PADI4: variants seen among roughly 807,000 people sequenced by gnomAD.
PADI4 encodes peptidyl arginine deiminase 4, also known as protein-arginine deiminase type-4.
A neutral mutation model predicts 75.0 loss-of-function variants in PADI4; 62 were observed. The ratio of observed to expected loss-of-function variants is 0.83; its 90% CI spans 0.67 to 1.02. PADI4 has a LOEUF of 1.02. Ranked by LOEUF, PADI4 falls within the 50% of genes least tolerant of loss-of-function variation. The pLI is 0.00. For synonymous variants in PADI4, 361 were observed against 348.1 expected (o/e 1.04, Z -0.41); for missense variants, 845 against 850.5 (o/e 0.99, Z 0.08).
At chr1:17,335,792 G>A (rs1460042289) in intron 3 of PADI4, among the ~76,000 whole-genome samples, 2 of 152,244 alleles carry the variant, frequency 1.3e-5, no homozygotes, top group Non-Finnish European at 2.9e-5. Flanking sequence ...TCTTTCGAGA[G>A]GCTGGCAGGG....
At chr1:17,333,796 G>A (rs548903812) in intron 2 of PADI4, 147 bp from the exon 3 acceptor site, 22 of 589,102 alleles carry the variant, frequency 3.7e-5, no homozygotes, top group South Asian at 6.4e-5. Context: ...CATTCCCATC[G>A]GATGGGGCCA....
In PADI4 at chr1:17,342,503, T is replaced by C. The variant is rs886152838; in HGVS notation, c.935+101T>C. 3.0e-5 allele frequency: 21 copies of C among 701,400 alleles called. No individual in the cohort carries two copies. In the African/African-American group the frequency reaches 3.4e-4, roughly 11 times the overall value. 43.4% of individuals were successfully genotyped at this position (701,400 alleles called of 1,614,324 possible). A position where few individuals can be genotyped will look rare whatever the true frequency, so the allele number is the denominator to read the frequency against. ...ATGGGAAAAACAGTCACCCCTCCCC[T>C]GCCCACTGAGAGCTTGCTGCTTGTT... On this transcript the variant is annotated intron_variant, in intron 8 of 15. Coordinates refer to ENST00000375448, the MANE Select transcript of PADI4 (RefSeq NM_012387.3).
chr1:17,326,358 A>C (rs2074117165), intron 1 of PADI4, among the ~76,000 whole-genome samples: 1 of 152,198 alleles, frequency 6.6e-6, no homozygotes, highest in African/African-American at 2.4e-5. Flanking sequence ...TTAAGGCATA[A>C]AGTATCACTT....
chr1:17,316,562 C>A (rs904413685), intron 1 of PADI4, among the ~76,000 whole-genome samples: 1 of 151,192 alleles, frequency 6.6e-6, no homozygotes, highest in African/African-American at 2.4e-5. Flanking sequence ...TGGTGGCGGG[C>A]GCCTGTAGTC....
intron 1 of PADI4, 106 bp from the exon 2 acceptor site, chr1:17,330,863 G>T: frequency 1.4e-6 from 1 of 721,312 alleles, no homozygotes; most frequent in Non-Finnish European, 2.2e-6. Flanking sequence ...GTCCAAACAA[G>T]CTGACACCTA....
At chr1:17,322,421 G>A (rs775283345) in intron 1 of PADI4, among the ~76,000 whole-genome samples, 12 of 152,088 alleles carry the variant, frequency 7.9e-5, no homozygotes, top group South Asian at 2.1e-4. Context: ...CCTGGGAGGC[G>A]GAGGCTGCGG....
At chr1:17,309,969 G>A (rs943616983) in intron 1 of PADI4, among the ~76,000 whole-genome samples, 1 of 152,152 alleles carries the variant, frequency 6.6e-6, no homozygotes, top group Non-Finnish European at 1.5e-5. Context: ...TCTGGCCCTA[G>A]AGAGGTGGGT....
chr1:17,361,534 C>T (rs888406571), intron 15 of PADI4, among the ~76,000 whole-genome samples: 4 of 152,222 alleles, frequency 2.6e-5, no homozygotes, highest in Non-Finnish European at 5.9e-5. Flanking sequence ...GCGGTGGCCC[C>T]CTTGAGGACT....
intron 1 of PADI4, among the ~76,000 whole-genome samples, chr1:17,312,983 G>T (rs1015852733): frequency 2.6e-5 from 4 of 151,704 alleles, no homozygotes; most frequent in Non-Finnish European, 5.9e-5. Context: ...TGAGGTCAAG[G>T]GATGGAGACC....
rs375767707 is a variant in PADI4 at position 17,348,040 on chromosome 1, C to T, written c.1147C>T (p.Arg383Cys). ...NRGLKEFPIK[R>C]VMGPDFGYVT... is the part of the protein sequence containing the mutation. ...AGGCCTGAAGGAGTTTCCCATCAAA[C>T]GCGTGATGGTACCTGCATGGGGTGG... The change falls in exon 10 of 16, where the codon CGC (arginine) becomes TGC (cysteine). Residue 383 changes from arginine (R) to cysteine (C), a missense_variant. By Grantham distance (180) the Arg-to-Cys change is radical. Coordinates refer to ENST00000375448, the MANE Select transcript of PADI4 (RefSeq NM_012387.3). The T allele has an allele frequency of 1.8e-5, 28 of 1,599,518 alleles. No individual in the cohort carries two copies. Among genetic ancestry groups the T allele is most frequent in the Non-Finnish European group, 2.1e-5 (25 of 1,167,002 alleles).
chr1:17,348,559 T>C (rs1172838522), intron 10 of PADI4, among the ~76,000 whole-genome samples: 1 of 152,216 alleles, frequency 6.6e-6, no homozygotes, highest in Non-Finnish European at 1.5e-5. Context: ...GACTCATGCT[T>C]GACTAGCCTG....
chr1:17,360,362 G>T (rs74058736), intron 15 of PADI4, among the ~76,000 whole-genome samples: 2,883 of 152,116 alleles, frequency 0.019, 79 homozygotes, highest in African/African-American at 0.064. Context: ...AGAGTCCTCT[G>T]GTGAGGACTG....
At chr1:17,318,664 C>T (rs541162359) in intron 1 of PADI4, among the ~76,000 whole-genome samples, 10 of 150,696 alleles carry the variant, frequency 6.6e-5, no homozygotes, top group East Asian at 3.9e-4. Flanking sequence ...GCACACAAGG[C>T]GAAAATTGGC....
At chr1:17,315,510 A>G (rs1354216609) in intron 1 of PADI4, among the ~76,000 whole-genome samples, 1 of 152,052 alleles carries the variant, frequency 6.6e-6, no homozygotes, top group Admixed American at 6.5e-5. Context: ...AGGGATATGG[A>G]GAGAAAGAGA....
At chr1:17,341,101 CT>C (rs34852999) in intron 6 of PADI4, among the ~76,000 whole-genome samples, 4,276 of 119,710 alleles carry the variant, frequency 0.036, 56 homozygotes, top group African/African-American at 0.041. Flanking sequence ...GCCTCTGTTT[CT>C]TTTTTTTTTT....
chr1:17,309,193 T>A, intron 1 of PADI4, among the ~76,000 whole-genome samples: 1 of 148,110 alleles, frequency 6.8e-6, no homozygotes. Flanking sequence ...AAAAAAGAGC[T>A]GGAGTCCCTT....
Position 17,356,555 on chromosome 1 carries a change from A to G in PADI4, c.1558+96A>G. 1 of 717,842 alleles carries G rather than the reference A, an allele frequency of 1.4e-6. No homozygotes were observed. Among genetic ancestry groups the G allele is most frequent in the Non-Finnish European group, 2.4e-6 (1 of 409,492 alleles). 44.5% of individuals were successfully genotyped at this position (717,842 alleles called of 1,614,324 possible). A position where few individuals can be genotyped will look rare whatever the true frequency, so the allele number is the denominator to read the frequency against. The stretch of plus-strand genomic sequence containing the variant: ...GGAATCATCCAGGCAATAGGGTAGC[A>G]TCTGAGCACCTACTGTGCGCCAGGC... On this transcript the variant is annotated intron_variant, in intron 13 of 15. Transcript: ENST00000375448. The surrounding 1 kb of genome is among the most constrained non-coding windows in gnomAD (Gnocchi z 4.1).
chr1:17,331,665 C>T (rs947636792), intron 2 of PADI4, among the ~76,000 whole-genome samples: 5 of 152,174 alleles, frequency 3.3e-5, no homozygotes, highest in African/African-American at 1.2e-4. Context: ...CACCTGTAAT[C>T]CCAGCACTTT....
intron 10 of PADI4, among the ~76,000 whole-genome samples, chr1:17,354,197 C>T (rs2074718898): frequency 6.6e-6 from 1 of 152,088 alleles, no homozygotes; most frequent in Admixed American, 6.5e-5. Flanking sequence ...TGGCTGAGAT[C>T]ATGCCACGGC....
Sources: allele counts gnomAD v4.1 joint callset (sites outside exome capture counted in the v4.1 genomes callset), GRCh38; gene constraint gnomAD v4.1.1; non-coding constraint Gnocchi (gnomAD v3.1); transcripts MANE v1.5; gene names NCBI Gene and HGNC (gene_info 2026-07-23, HGNC 2026-07-21).